DLG1: variants seen among roughly 807,000 people sequenced by gnomAD.
DLG1 encodes discs large MAGUK scaffold protein 1.
In DLG1, 42 loss-of-function variants were observed where a neutral mutation model predicts 123.4. The ratio of observed to expected loss-of-function variants is 0.34; its 90% CI spans 0.27 to 0.44. DLG1 has a LOEUF of 0.44. DLG1 is among the 20% of genes least tolerant of loss of function. The pLI, the probability that DLG1 is intolerant of heterozygous loss-of-function variation, is 1.00. For synonymous variants in DLG1, 317 were observed against 356.2 expected, an observed-to-expected ratio of 0.89 and a Z score of 1.24; for missense variants, 942 against 1,082.6, an observed-to-expected ratio of 0.87 and a Z score of 1.82.
intron 5 of DLG1, among the ~76,000 whole-genome samples, chr3:197,163,687 A>ATTTTTTTTTTTTTTTTTTTTT (rs56865627): frequency 4.9e-5 from 5 of 102,034 alleles, no homozygotes; most frequent in Non-Finnish European, 5.6e-5. Context: ...ATGCTCAGCT[A>ATTTTTTTTTTTTTTTTTTTTT]TTTTTTTTTT....
intron 4 of DLG1, among the ~76,000 whole-genome samples, chr3:197,255,176 T>TCC (rs1024617071): frequency 6.6e-6 from 1 of 152,072 alleles, no homozygotes; most frequent in African/African-American, 2.4e-5. Context: ...GTCACATGCC[T>TCC]CCCCCACACA....
chr3:197,055,021 C>T (rs1730683459), intron 23 of DLG1, among the ~76,000 whole-genome samples: 2 of 152,116 alleles, frequency 1.3e-5, no homozygotes, highest in Non-Finnish European at 2.9e-5. Flanking sequence ...TGCTATGTTG[C>T]CCAGGCTGGT....
intron 3 of DLG1, among the ~76,000 whole-genome samples, chr3:197,295,284 G>A (rs1019857410): frequency 4.6e-5 from 7 of 152,078 alleles, no homozygotes; most frequent in East Asian, 1.9e-4. Flanking sequence ...TTCTAAAACC[G>A]TAGAGAGCAT....
chr3:197,065,485 TAA>T lies in DLG1; in HGVS notation c.2201-39_2201-38del, dbSNP rs3214530. 8 of 1,367,410 alleles carry T rather than the reference TAA, an allele frequency of 5.9e-6. No individual in the cohort carries two copies. The African/African-American group carries it at 9.0e-5, about 15-fold the overall frequency. The allele number at this position is 1,367,410 out of a possible 1,614,324, so 84.7% of individuals were successfully genotyped here. Reference sequence around the variant, plus strand: ...AAAAACTTGGGAAAGTGTTTAATATTAAAAAAAAAACCACAATAAATCCATTT... The same window carrying T: ...AAAAACTTGGGAAAGTGTTTAATATTAAAAAAAACCACAATAAATCCATTT... On this transcript the variant is annotated intron_variant, in intron 21 of 24. Coordinates refer to ENST00000667157, the MANE Select transcript of DLG1 (RefSeq NM_001366207.1).
chr3:197,271,085 T>C (rs925498258), intron 4 of DLG1, among the ~76,000 whole-genome samples: 1 of 152,122 alleles, frequency 6.6e-6, no homozygotes, highest in African/African-American at 2.4e-5. Context: ...GGTATGTGTA[T>C]TCCCAACCCA....
chr3:197,208,800 G>A (rs1471717623), intron 4 of DLG1, among the ~76,000 whole-genome samples: 1 of 145,734 alleles, frequency 6.9e-6, no homozygotes, highest in Non-Finnish European at 1.5e-5. Context: ...TTGACGAGAG[G>A]AGATTTACCC....
At chr3:197,270,845 G>C (rs999757740) in intron 4 of DLG1, among the ~76,000 whole-genome samples, 1 of 152,108 alleles carries the variant, frequency 6.6e-6, no homozygotes, top group African/African-American at 2.4e-5. Flanking sequence ...TACCAAAAAC[G>C]AGTCTCATCA....
chr3:197,158,397 C>T (rs1382770147), intron 5 of DLG1, among the ~76,000 whole-genome samples: 2 of 146,882 alleles, frequency 1.4e-5, no homozygotes, highest in African/African-American at 5.1e-5. Flanking sequence ...CCGAGGCAGG[C>T]GGACTACCTG....
chr3:197,244,655 T>G (rs1750721150), intron 4 of DLG1, among the ~76,000 whole-genome samples: 2 of 152,024 alleles, frequency 1.3e-5, no homozygotes, highest in South Asian at 4.2e-4. Flanking sequence ...CGCATGACTT[T>G]GAAGATGGCG....
rs576763720 is a variant in DLG1 at position 197,219,224 on chromosome 3, A to G, written c.319-24635T>C. On this transcript the variant is annotated intron_variant, in intron 4 of 24. Coordinates refer to ENST00000667157, the MANE Select transcript of DLG1 (RefSeq NM_001366207.1). Reference sequence around the variant, plus strand: ...ATCCTCTATTCTCAAACACATGCTCAAGATGTTTCTTCTTTGGTAGTAGCA... The same window carrying G: ...ATCCTCTATTCTCAAACACATGCTCGAGATGTTTCTTCTTTGGTAGTAGCA... Among the ~76,000 whole-genome samples the G allele has an allele frequency of 1.6e-3, 245 of 152,308 alleles. 2 individuals are homozygous for G. Among genetic ancestry groups the G allele is most frequent in the African/African-American group, 5.7e-3 (235 of 41,564 alleles).
intron 15 of DLG1, among the ~76,000 whole-genome samples, chr3:197,088,357 T>C (rs921698367): frequency 3.3e-5 from 5 of 151,984 alleles, no homozygotes; most frequent in East Asian, 3.9e-4. Flanking sequence ...ACAAAAGAAA[T>C]GGAAGATGAG....
intron 21 of DLG1, 126 bp downstream of exon 21, chr3:197,065,582 G>A: frequency 1.0e-6 from 1 of 982,434 alleles, no homozygotes; most frequent in South Asian, 1.6e-5. Context: ...CAATAATATG[G>A]AGGATGGAAG....
At chr3:197,240,816 C>CATTTGACATAAG (rs1748468233) in intron 4 of DLG1, among the ~76,000 whole-genome samples, 1 of 151,824 alleles carries the variant, frequency 6.6e-6, no homozygotes, top group Non-Finnish European at 1.5e-5. Context: ...GAGGATCAAG[C>CATTTGACATAAG]AGAGTAAACA....
At chr3:197,288,741 A>T (rs866930763) in intron 3 of DLG1, among the ~76,000 whole-genome samples, 45 of 63,436 alleles carry the variant, frequency 7.1e-4, no homozygotes, top group African/African-American at 3.0e-3. Flanking sequence ...AAAAAAAAAA[A>T]AAATACATAC....
At chr3:197,081,644 T>C (rs1751197866) in intron 16 of DLG1, among the ~76,000 whole-genome samples, 1 of 151,886 alleles carries the variant, frequency 6.6e-6, no homozygotes, top group South Asian at 2.1e-4. Flanking sequence ...ATTTTAATGA[T>C]ATATGTGTGT....
At chr3:197,286,287 G>A (rs1771805775) in intron 3 of DLG1, among the ~76,000 whole-genome samples, 1 of 152,108 alleles carries the variant, frequency 6.6e-6, no homozygotes. Context: ...AACAACAGCG[G>A]TCTCCAACCT....
intron 13 of DLG1, among the ~76,000 whole-genome samples, chr3:197,115,193 A>T (rs1772531573): frequency 6.6e-6 from 1 of 152,152 alleles, no homozygotes; most frequent in Non-Finnish European, 1.5e-5. Context: ...ATTTATGGGT[A>T]TAAACATGAA....
rs552224759 is a variant in DLG1 at position 197,264,665 on chromosome 3, G to A, written c.318+18014C>T. Among the ~76,000 whole-genome samples, 7 of 152,262 alleles carry A rather than the reference G, an allele frequency of 4.6e-5. No individual in the cohort carries two copies. The South Asian group carries it at 1.0e-3, about 23-fold the overall frequency. ...TGGTCTCAAACTCCTGACCTCAGGC[G>A]ATCCACCTGCCTCGGCCTCCCAAAG... On this transcript the variant is annotated intron_variant, in intron 4 of 24. Coordinates refer to ENST00000667157, the MANE Select transcript of DLG1 (RefSeq NM_001366207.1).
At chr3:197,151,505 T>A (rs1343025716) in intron 5 of DLG1, among the ~76,000 whole-genome samples, 2 of 152,182 alleles carry the variant, frequency 1.3e-5, no homozygotes, top group Non-Finnish European at 1.5e-5. Flanking sequence ...TACTTCAAAA[T>A]AAAACAATGG....
Sources: allele counts gnomAD v4.1 joint callset (sites outside exome capture counted in the v4.1 genomes callset), GRCh38; gene constraint gnomAD v4.1.1; transcripts MANE v1.5; gene names NCBI Gene and HGNC (gene_info 2026-07-23, HGNC 2026-07-21).